The following TWIST2 variants were observed in gnomAD, a reference collection of about 807,000 sequenced individuals.
The protein encoded by TWIST2 is twist family bHLH transcription factor 2, also known as twist-related protein 2.
A neutral mutation model predicts 11.6 loss-of-function variants in TWIST2; 1 was observed. The observed-to-expected ratio is 0.09, with a 90% CI of 0.03 to 0.41. The LOEUF (loss-of-function observed/expected upper bound fraction) is 0.41, where lower values mean the gene tolerates loss of function less well. Ranked by LOEUF, TWIST2 falls within the 10% of genes least tolerant of loss-of-function variation. The pLI is 0.98. For missense variants in TWIST2, 168 were observed against 226.4 expected (o/e 0.74, Z 1.66); for synonymous variants, 87 against 96.6 (o/e 0.90, Z 0.58).
At chr2:238,894,360 C>G (rs1168629176) in intron 1 of TWIST2, among the ~76,000 whole-genome samples, 2 of 152,152 alleles carry the variant, frequency 1.3e-5, no homozygotes, top group African/African-American at 4.8e-5. Flanking sequence ...TCAGGATGCA[C>G]CCAGCCACCC....
intron 1 of TWIST2, among the ~76,000 whole-genome samples, chr2:238,857,909 C>G (rs747386040): frequency 1.3e-5 from 2 of 152,132 alleles, no homozygotes; most frequent in Non-Finnish European, 2.9e-5. Context: ...TGCACTCCAG[C>G]CTGAGCGACA....
intron 1 of TWIST2, among the ~76,000 whole-genome samples, chr2:238,888,618 A>G (rs551154528): frequency 5.4e-4 from 82 of 152,356 alleles, no homozygotes; most frequent in Admixed American, 5.2e-3. Flanking sequence ...AAAAATGGCC[A>G]TTTAAGGGAA....
At chr2:238,872,999 C>T (rs192059282) in intron 1 of TWIST2, among the ~76,000 whole-genome samples, 51 of 152,190 alleles carry the variant, frequency 3.4e-4, no homozygotes, top group African/African-American at 1.2e-3. Flanking sequence ...TCACATCCAG[C>T]CAAGGAGACA....
chr2:238,862,454 G>A (rs564066416), intron 1 of TWIST2, among the ~76,000 whole-genome samples: 56 of 152,248 alleles, frequency 3.7e-4, no homozygotes, highest in African/African-American at 1.2e-3. Flanking sequence ...GTCAATAAAC[G>A]CGTGAAGTGT....
chr2:238,868,674 A>T (rs897532957), intron 1 of TWIST2, among the ~76,000 whole-genome samples: 2 of 152,178 alleles, frequency 1.3e-5, no homozygotes, highest in Non-Finnish European at 2.9e-5. Flanking sequence ...AAGGTTGGTG[A>T]CTGTCCGTGA....
chr2:238,881,363 T>C (rs1202538149), intron 1 of TWIST2, among the ~76,000 whole-genome samples: 4 of 150,890 alleles, frequency 2.7e-5, no homozygotes, highest in African/African-American at 4.9e-5. Flanking sequence ...GTATTAGTGT[T>C]AGTGTTAGTA....
intron 1 of TWIST2, among the ~76,000 whole-genome samples, chr2:238,905,949 G>GCA (rs1443072246): frequency 3.5e-5 from 4 of 114,348 alleles, no homozygotes; most frequent in African/African-American, 1.4e-4. Context: ...GTGTGCGCGC[G>GCA]CGTGTGTACG....
At chr2:238,869,994 A>G (rs1051558256) in intron 1 of TWIST2, among the ~76,000 whole-genome samples, 6 of 151,860 alleles carry the variant, frequency 4.0e-5, no homozygotes, top group Non-Finnish European at 8.8e-5. Context: ...AGAAATTGGA[A>G]TCATTGGGCA....
At chr2:238,902,994 A>G (rs1693294457) in intron 1 of TWIST2, among the ~76,000 whole-genome samples, 8 of 14,150 alleles carry the variant, frequency 5.7e-4, no homozygotes, top group East Asian at 2.5e-3. Context: ...TGTGATGGGT[A>G]TGTGCGTGAT....
intron 1 of TWIST2, among the ~76,000 whole-genome samples, chr2:238,905,874 T>TGC (rs1693335698): frequency 3.4e-5 from 2 of 59,660 alleles, no homozygotes; most frequent in Non-Finnish European, 7.7e-5. Flanking sequence ...TGCGTGCGTG[T>TGC]GTGTGCATGT....
At chr2:238,850,316 G>C (rs1574743541) in intron 1 of TWIST2, among the ~76,000 whole-genome samples, 1 of 152,152 alleles carries the variant, frequency 6.6e-6, no homozygotes, top group African/African-American at 2.4e-5. Context: ...AGTACTAAAC[G>C]CTACAGTGGG....
intron 1 of TWIST2, among the ~76,000 whole-genome samples, chr2:238,862,956 G>A (rs927194254): frequency 2.6e-5 from 4 of 152,144 alleles, no homozygotes; most frequent in Non-Finnish European, 5.9e-5. Flanking sequence ...GTGCATGCAC[G>A]GGTGTGTTTG....
chr2:238,868,783 A>G (rs1692591897), intron 1 of TWIST2, among the ~76,000 whole-genome samples: 1 of 152,222 alleles, frequency 6.6e-6, no homozygotes, highest in South Asian at 2.1e-4. Context: ...ATCCACAGGC[A>G]TGGTAGGGCC....
chr2:238,877,607 C>T (rs559532234), intron 1 of TWIST2, among the ~76,000 whole-genome samples: 2 of 152,148 alleles, frequency 1.3e-5, no homozygotes, highest in African/African-American at 4.8e-5. Flanking sequence ...TTATGAGATC[C>T]TTATATATGT....
Position 238,863,851 on chromosome 2 carries a change from A to C in TWIST2, c.*35+15118A>C, listed in dbSNP as rs1692477440. ...GTGTCCCCCTGGCCTTGTATGATGA[A>C]TGACAAATGTGTGGGACTGAGGAGA... On this transcript the variant is annotated intron_variant, in intron 1 of 1. Coordinates refer to ENST00000612363, the MANE Select transcript of TWIST2 (RefSeq NM_001271893.4). The surrounding 1 kb of genome is among the most constrained non-coding windows in gnomAD (Gnocchi z 4.7). Among the ~76,000 whole-genome samples, 1 of 152,150 alleles carries C rather than the reference A, an allele frequency of 6.6e-6. No homozygotes were observed. The highest frequency in any genetic ancestry group is 1.5e-5 in the Non-Finnish European group (1 of 68,028).
At chr2:238,888,044 C>CT (rs1254546634) in intron 1 of TWIST2, among the ~76,000 whole-genome samples, 1 of 152,246 alleles carries the variant, frequency 6.6e-6, no homozygotes, top group Non-Finnish European at 1.5e-5. Context: ...GTGAGAGGAG[C>CT]TCAGTTCCGA....
intron 1 of TWIST2, among the ~76,000 whole-genome samples, chr2:238,902,082 C>G (rs1693274184): frequency 6.6e-6 from 1 of 152,172 alleles, no homozygotes. Context: ...ATGATGGTCA[C>G]AGCCCACGCT....
rs1243631374 is a variant in TWIST2 at position 238,867,965 on chromosome 2, C to G, written c.*35+19232C>G. ...CAGCGGAAGGCATGAGAGGGGCCAC[C>G]CTCCTGCATGTAGTGAGGCTCGGGA... On this transcript the variant is annotated intron_variant, in intron 1 of 1. Coordinates refer to ENST00000612363, the MANE Select transcript of TWIST2 (RefSeq NM_001271893.4). This position sits in a 1 kb window ranked among gnomAD's most constrained non-coding sequence, Gnocchi z 4.8. Among the ~76,000 whole-genome samples, 1 of 152,202 alleles carries G rather than the reference C, an allele frequency of 6.6e-6. No homozygotes were observed. The highest frequency in any genetic ancestry group is 1.5e-5 in the Non-Finnish European group (1 of 68,046).
At chr2:238,870,004 A>G (rs902440389) in intron 1 of TWIST2, among the ~76,000 whole-genome samples, 1 of 151,824 alleles carries the variant, frequency 6.6e-6, no homozygotes, top group Non-Finnish European at 1.5e-5. Context: ...ATCATTGGGC[A>G]CTGCTGGTGG....
Sources: gnomAD v4.1 joint callset for allele counts (sites outside exome capture counted in the v4.1 genomes callset) on GRCh38, gnomAD v4.1.1 for gene constraint, Gnocchi (gnomAD v3.1) non-coding constraint, MANE v1.5 for transcripts, NCBI Gene and HGNC (gene_info 2026-07-23, HGNC 2026-07-21) for gene names.